The following RHPN2 variants were observed in gnomAD, a reference collection of about 807,000 sequenced individuals.
The protein encoded by RHPN2 is rhophilin-2.
RHPN2 carries 40 observed loss-of-function variants against 79.0 expected under a neutral mutation model. That is an observed-to-expected ratio of 0.51 (90% CI 0.39 to 0.66). The LOEUF (loss-of-function observed/expected upper bound fraction) is 0.66, where lower values mean the gene tolerates loss of function less well. RHPN2 is among the 30% of genes least tolerant of loss of function. The pLI, the probability that RHPN2 is intolerant of heterozygous loss-of-function variation, is 0.00. For missense variants in RHPN2, 686 were observed against 883.5 expected (o/e 0.78, Z 2.83); for synonymous variants, 285 against 363.5 (o/e 0.78, Z 2.46).
Position 33,008,186 on chromosome 19 carries a change from T to A in RHPN2, c.594-6A>T. ...CCCCGGTGAGAGAGTCATACCTATGTGAAAGAAATGCATTCCGAGAATACA... is the reference window on the plus strand; with the variant it reads ...CCCCGGTGAGAGAGTCATACCTATGAGAAAGAAATGCATTCCGAGAATACA... On this transcript the variant is annotated splice_region_variant and splice_polypyrimidine_tract_variant and intron_variant, in intron 6 of 14. Transcript: ENST00000254260. 6.2e-7 allele frequency: 1 copy of A among 1,613,382 alleles called. No individual in the cohort carries two copies. Among genetic ancestry groups the A allele is most frequent in the Non-Finnish European group, 8.5e-7 (1 of 1,179,812 alleles).
At chr19:32,986,017 G>A (rs1599805536) in intron 14 of RHPN2, among the ~76,000 whole-genome samples, 1 of 152,228 alleles carries the variant, frequency 6.6e-6, no homozygotes, top group South Asian at 2.1e-4. Flanking sequence ...TCATTATAAT[G>A]TCTATTGTGG....
chr19:33,031,806 C>T (rs1032718710), intron 2 of RHPN2, among the ~76,000 whole-genome samples: 2 of 151,768 alleles, frequency 1.3e-5, no homozygotes, highest in Non-Finnish European at 2.9e-5. Flanking sequence ...CTCAGCCTCC[C>T]GAGTAGCTGG....
intron 1 of RHPN2, chr19:33,051,631 T>C: frequency 5.3e-6 from 1 of 188,810 alleles, no homozygotes; most frequent in South Asian, 9.2e-5. Context: ...AATGTTATCC[T>C]AGGTGAAATC....
chr19:33,062,412 A>G (rs952007972), intron 1 of RHPN2, among the ~76,000 whole-genome samples: 1 of 151,596 alleles, frequency 6.6e-6, no homozygotes, highest in Non-Finnish European at 1.5e-5. Flanking sequence ...CAGTGAGCCG[A>G]GATCGCGCCA....
At chr19:33,051,045 G>A (rs1258460539) in intron 1 of RHPN2, among the ~76,000 whole-genome samples, 1 of 151,116 alleles carries the variant, frequency 6.6e-6, no homozygotes, top group African/African-American at 2.4e-5. Context: ...AAGCTGGAGT[G>A]CAGTGGCATG....
intron 5 of RHPN2, among the ~76,000 whole-genome samples, chr19:33,012,036 TTC>T (rs1384890177): frequency 3.8e-5 from 5 of 130,520 alleles, no homozygotes; most frequent in Non-Finnish European, 8.2e-5. Context: ...ATGGTTTTCC[TTC>T]TTTTTTTTTT....
chr19:33,009,294 T>TAA lies in RHPN2; in HGVS notation c.594-1116_594-1115dup, dbSNP rs752137358. 7.5e-4 allele frequency among the ~76,000 whole-genome samples: 109 copies of TAA among 146,272 alleles called. 1 individual carries two copies. Among genetic ancestry groups the TAA allele is most frequent in the East Asian group, 7.3e-3 (36 of 4,950 alleles). ...ATGTGTCAGGTAAGTTCTTCAATTA[T>TAA]AAAAAAAAAAAATGGGCTGGGAGCG... On this transcript the variant is annotated intron_variant, in intron 6 of 14. Transcript: ENST00000254260.
intron 14 of RHPN2, among the ~76,000 whole-genome samples, chr19:32,989,843 G>A (rs1273452873): frequency 2.0e-5 from 3 of 152,258 alleles, no homozygotes; most frequent in East Asian, 1.9e-4. Context: ...GGTGGCTCAC[G>A]CCTGTAATCC....
At chr19:32,987,859 C>A (rs1330089004) in intron 14 of RHPN2, among the ~76,000 whole-genome samples, 1 of 152,078 alleles carries the variant, frequency 6.6e-6, no homozygotes, top group Non-Finnish European at 1.5e-5. Context: ...TCTCCTTCAC[C>A]TCCCTCACAC....
chr19:33,014,080 C>T (rs1291994604), intron 4 of RHPN2, among the ~76,000 whole-genome samples: 11 of 151,204 alleles, frequency 7.3e-5, no homozygotes, highest in Non-Finnish European at 1.3e-4. Flanking sequence ...TTTGCCCTGT[C>T]GCCCCACCCC....
Position 33,032,431 on chromosome 19 carries a change from C to T in RHPN2, c.186-5799G>A, listed in dbSNP as rs1171486756. 2.6e-5 allele frequency among the ~76,000 whole-genome samples: 4 copies of T among 152,222 alleles called. No homozygotes were observed. The East Asian group carries it at 7.7e-4, about 29-fold the overall frequency. The stretch of plus-strand genomic sequence containing the variant: ...TCTCCAGAGGTGGTGTAGGGAGGAG[C>T]TGAAATTTCCAGCCCTCTCACCATG... On this transcript the variant is annotated intron_variant, in intron 2 of 14. Transcript: ENST00000254260.
intron 2 of RHPN2, among the ~76,000 whole-genome samples, chr19:33,038,770 G>T (rs1972077832): frequency 6.6e-6 from 1 of 152,162 alleles, no homozygotes. Flanking sequence ...GGATTCTCCA[G>T]CCTCAGCCTC....
In RHPN2 at chr19:32,979,638, A is replaced by G. The variant is rs1172626772; in HGVS notation, c.*358T>C. The stretch of plus-strand genomic sequence containing the variant: ...GGAATGATTATTAGCCAAACCTGGA[A>G]ACAACTACAAATTGTACTGATATAG... On this transcript the variant is annotated 3_prime_UTR_variant, in exon 15 of 15. Transcript: ENST00000254260. 1.7e-5 allele frequency: 4 copies of G among 230,014 alleles called. No homozygotes were observed. The highest frequency in any genetic ancestry group is 3.5e-5 in the Non-Finnish European group (4 of 115,212). The allele number at this position is 230,014 out of a possible 1,614,324, so 14.2% of individuals were successfully genotyped here.
chr19:33,059,010 G>A (rs1972257115), intron 1 of RHPN2, among the ~76,000 whole-genome samples: 2 of 151,844 alleles, frequency 1.3e-5, no homozygotes, highest in Non-Finnish European at 2.9e-5. Context: ...CATGAGAATC[G>A]CTTGAACCCA....
intron 8 of RHPN2, 118 bp from the exon 9 acceptor site, chr19:33,002,521 A>G: frequency 1.6e-6 from 2 of 1,238,236 alleles, no homozygotes; most frequent in Non-Finnish European, 2.4e-6. Context: ...GGGCTGCTCC[A>G]GAATCTGGGA....
intron 3 of RHPN2, among the ~76,000 whole-genome samples, chr19:33,024,947 T>C (rs1971954236): frequency 6.6e-6 from 1 of 152,082 alleles, no homozygotes; most frequent in South Asian, 2.1e-4. Context: ...AGATGGGGTT[T>C]CACTATGTTG....
chr19:33,056,417 G>A (rs1972233685), intron 1 of RHPN2, among the ~76,000 whole-genome samples: 1 of 151,992 alleles, frequency 6.6e-6, no homozygotes, highest in Non-Finnish European at 1.5e-5. Context: ...CGGCCTTCCA[G>A]CTGCTTTTCT....
At position 32,992,001 on chromosome 19, in the gene RHPN2, T is replaced by G. The variant is rs568498076; in HGVS notation, c.1498-32A>C. The G allele has an allele frequency of 3.7e-6, 6 of 1,613,688 alleles. No individual in the cohort carries two copies. In the East Asian group the frequency reaches 1.1e-4, roughly 30 times the overall value. On this transcript the variant is annotated intron_variant, in intron 12 of 14. Transcript: ENST00000254260. ...AAGAGAGCATCGTTAGGTGTAGGAT[T>G]TGAAGGCTGGATCAGACGCTTGAAA...
chr19:33,055,175 C>A (rs1972221762), intron 1 of RHPN2, among the ~76,000 whole-genome samples: 1 of 152,000 alleles, frequency 6.6e-6, no homozygotes, highest in South Asian at 2.1e-4. Context: ...CACAGTAAGA[C>A]CCCATCTCTA....
Sources: allele counts gnomAD v4.1 joint callset (sites outside exome capture counted in the v4.1 genomes callset), GRCh38; gene constraint gnomAD v4.1.1; transcripts MANE v1.5; gene names NCBI Gene and HGNC (gene_info 2026-07-23, HGNC 2026-07-21).